The following BCL11A variants were observed in gnomAD, a reference collection of about 807,000 sequenced individuals.
BCL11A encodes the protein B cell CLL/lymphoma 11A.
BCL11A carries 2 observed loss-of-function variants against 55.9 expected under a neutral mutation model. The observed-to-expected ratio is 0.04, with a 90% CI of 0.01 to 0.11. BCL11A has a LOEUF of 0.11. BCL11A is among the 10% of genes least tolerant of loss of function. The pLI, the probability that BCL11A is intolerant of heterozygous loss-of-function variation, is 1.00. For missense variants in BCL11A, 817 were observed against 1,137.1 expected (o/e 0.72, Z 4.05); for synonymous variants, 465 against 473.4 (o/e 0.98, Z 0.23).
intron 2 of BCL11A, among the ~76,000 whole-genome samples, chr2:60,495,147 G>C (rs991509297): frequency 3.9e-5 from 6 of 152,172 alleles, no homozygotes; most frequent in Admixed American, 3.3e-4. Flanking sequence ...ATCACCAAGA[G>C]AGCCTTCCGA....
At chr2:60,452,825 C>T, downstream of BCL11A, 2 of 591,156 alleles carry the variant, frequency 3.4e-6, no homozygotes, top group Non-Finnish European at 6.0e-6. Flanking sequence ...AACTCAGCCT[C>T]CCCTCCCCAA....
chr2:60,513,005 C>G (rs1668548677), intron 2 of BCL11A, among the ~76,000 whole-genome samples: 1 of 152,132 alleles, frequency 6.6e-6, no homozygotes, highest in Admixed American at 6.5e-5. Context: ...TGACGAGTCA[C>G]AGTGGACCAC....
intron 2 of BCL11A, among the ~76,000 whole-genome samples, chr2:60,486,474 G>A (rs1678283207): frequency 6.6e-6 from 1 of 152,134 alleles, no homozygotes; most frequent in Non-Finnish European, 1.5e-5. Context: ...CATTTTGAGA[G>A]ATAATTTCTA....
chr2:60,470,271 AC>A (rs946055243), intron 2 of BCL11A, among the ~76,000 whole-genome samples: 36 of 152,196 alleles, frequency 2.4e-4, no homozygotes, highest in African/African-American at 7.7e-4. Context: ...CACAAAGTGA[AC>A]CAACACAAGC....
At chr2:60,455,085 G>A (rs1288796032), downstream of BCL11A, among the ~76,000 whole-genome samples, 3 of 152,154 alleles carry the variant, frequency 2.0e-5, no homozygotes, top group Admixed American at 2.0e-4. Context: ...AGGTAATATA[G>A]GCACTGGAAG....
At chr2:60,454,049 A>G (rs1351481413), downstream of BCL11A, among the ~76,000 whole-genome samples, 1 of 151,996 alleles carries the variant, frequency 6.6e-6, no homozygotes, top group African/African-American at 2.4e-5. Flanking sequence ...AGAGAAAGAG[A>G]GAGAGAGAGA....
At chr2:60,474,744 T>A (rs747589951) in intron 2 of BCL11A, among the ~76,000 whole-genome samples, 2 of 152,178 alleles carry the variant, frequency 1.3e-5, no homozygotes, top group Non-Finnish European at 2.9e-5. Context: ...TCATTCAACC[T>A]CTCATGCATT....
At chr2:60,491,044 T>C (rs1678598861) in intron 2 of BCL11A, among the ~76,000 whole-genome samples, 2 of 151,778 alleles carry the variant, frequency 1.3e-5, no homozygotes, top group African/African-American at 2.4e-5. Context: ...GAAGAGCAAA[T>C]GTGAAGTTTA....
At chr2:60,501,331 T>C (rs1249699049) in intron 2 of BCL11A, among the ~76,000 whole-genome samples, 1 of 152,124 alleles carries the variant, frequency 6.6e-6, no homozygotes, top group Non-Finnish European at 1.5e-5. Flanking sequence ...CTTTAATATC[T>C]ATAAGAGCAC....
chr2:60,486,753 A>G (rs1413435768), intron 2 of BCL11A, among the ~76,000 whole-genome samples: 1 of 152,208 alleles, frequency 6.6e-6, no homozygotes, highest in Non-Finnish European at 1.5e-5. Flanking sequence ...GAGGTATTAC[A>G]GTGTGACAGA....
At chr2:60,520,008 T>C (rs1263450032) in intron 2 of BCL11A, among the ~76,000 whole-genome samples, 1 of 152,228 alleles carries the variant, frequency 6.6e-6, no homozygotes, top group African/African-American at 2.4e-5. Context: ...AATTATTGTA[T>C]CCTCTTCAAA....
chr2:60,543,483 G>A (rs574748338), intron 2 of BCL11A: 2 of 152,252 alleles, frequency 1.3e-5, no homozygotes, highest in South Asian at 2.1e-4. Context: ...ACGTGCTTTA[G>A]AGAAATGGGC....
intron 2 of BCL11A, among the ~76,000 whole-genome samples, chr2:60,540,708 A>T (rs2104708292): frequency 6.6e-6 from 1 of 152,250 alleles, no homozygotes; most frequent in South Asian, 2.1e-4. Context: ...AGGACTCTAA[A>T]AGATGCCATT....
At chr2:60,508,251 G>A (rs1679757321) in intron 2 of BCL11A, among the ~76,000 whole-genome samples, 3 of 152,022 alleles carry the variant, frequency 2.0e-5, no homozygotes, top group African/African-American at 7.3e-5. Flanking sequence ...ATAAAAACTA[G>A]GAGGAAGCTC....
chr2:60,549,107 A>G (rs928924737), intron 1 of BCL11A, among the ~76,000 whole-genome samples: 4 of 152,210 alleles, frequency 2.6e-5, no homozygotes, highest in Admixed American at 2.6e-4. Flanking sequence ...AATAATCATA[A>G]TAATTAGCCG....
exon 5 of BCL11A, chr2:60,451,767 T>C (rs1043418203): frequency 4.3e-6 from 1 of 230,234 alleles, no homozygotes; most frequent in African/African-American, 2.2e-5. Flanking sequence ...AAAAGACAAA[T>C]TCAAATCCTG....
chr2:60,503,376 G>A (rs1020551458), intron 2 of BCL11A, among the ~76,000 whole-genome samples: 2 of 152,174 alleles, frequency 1.3e-5, no homozygotes, highest in African/African-American at 2.4e-5. Context: ...GCCACCCACC[G>A]CAGCCTGGAC....
intron 2 of BCL11A, among the ~76,000 whole-genome samples, chr2:60,482,370 G>T (rs1244914428): frequency 6.6e-6 from 1 of 152,142 alleles, no homozygotes; most frequent in Non-Finnish European, 1.5e-5. Context: ...CTGGAGAAAA[G>T]TGAGAAATGG....
chr2:60,553,295 C>CGGCGGCGGG lies in BCL11A; in HGVS notation c.-26_-25insCCCGCCGCC. ...TGGTGGGCTGCGGGGCGGGCGGCGG[C>CGGCGGCGGG]GGCGGCGGCGGCGGCGGCGGGCGGA... On this transcript the variant is annotated 5_prime_UTR_variant, in exon 1 of 4. Coordinates refer to ENST00000642384, the MANE Select transcript of BCL11A (RefSeq NM_022893.4). 6.6e-7 allele frequency: 1 copy of CGGCGGCGGG among 1,523,978 alleles called. No individual in the cohort carries two copies. Among genetic ancestry groups the CGGCGGCGGG allele is most frequent in the Non-Finnish European group, 8.8e-7 (1 of 1,141,746 alleles). The allele number at this position is 1,523,978 out of a possible 1,614,324, so 94.4% of individuals were successfully genotyped here.
Sources: allele counts gnomAD v4.1 joint callset (sites outside exome capture counted in the v4.1 genomes callset), GRCh38; gene constraint gnomAD v4.1.1; transcripts MANE v1.5; gene names NCBI Gene and HGNC (gene_info 2026-07-23, HGNC 2026-07-21).